The following PRKG1 variants were observed in gnomAD, a reference collection of about 807,000 sequenced individuals.
PRKG1 encodes the protein cGMP-dependent protein kinase 1.
PRKG1 carries 35 observed loss-of-function variants against 88.1 expected under a neutral mutation model. The ratio of observed to expected loss-of-function variants is 0.40; its 90% CI spans 0.30 to 0.53. PRKG1 has a LOEUF of 0.53. Among genes scored for constraint, PRKG1 ranks in the 20% least tolerant of loss-of-function variants. The probability of loss-of-function intolerance (pLI) is 0.59; values close to 1 mark genes in which losing one functional copy is unlikely to be tolerated. For synonymous variants in PRKG1, 303 were observed against 292.5 expected (o/e 1.04, Z -0.37); for missense variants, 540 against 839.8 (o/e 0.64, Z 4.41).
chr10:51,511,405 A>G (rs1387048045), intron 3 of PRKG1, among the ~76,000 whole-genome samples: 1 of 152,164 alleles, frequency 6.6e-6, no homozygotes, highest in Non-Finnish European at 1.5e-5. Context: ...TGAAGGTACA[A>G]CCCACAGATT....
chr10:51,186,846 T>C (rs1837500001), intron 2 of PRKG1, among the ~76,000 whole-genome samples: 1 of 151,472 alleles, frequency 6.6e-6, no homozygotes, highest in Non-Finnish European at 1.5e-5. Flanking sequence ...TTCTATACTT[T>C]TTACTTCATC....
At chr10:51,548,619 A>G (rs1478960818) in intron 3 of PRKG1, among the ~76,000 whole-genome samples, 1 of 152,132 alleles carries the variant, frequency 6.6e-6, no homozygotes, top group Non-Finnish European at 1.5e-5. Context: ...GCCTGAGATT[A>G]TCAGCTGATT....
At chr10:52,091,729 T>A (rs1847060760) in intron 7 of PRKG1, among the ~76,000 whole-genome samples, 1 of 152,186 alleles carries the variant, frequency 6.6e-6, no homozygotes, top group Non-Finnish European at 1.5e-5. Flanking sequence ...GAGAAAACTA[T>A]ATCAAAGCAG....
chr10:52,055,735 A>T (rs1292107376), intron 6 of PRKG1, among the ~76,000 whole-genome samples: 1 of 152,202 alleles, frequency 6.6e-6, no homozygotes, highest in Admixed American at 6.5e-5. Context: ...AGGAAATGCG[A>T]ATAGAAAGGA....
At chr10:52,121,942 C>T (rs955840545) in intron 7 of PRKG1, among the ~76,000 whole-genome samples, 12 of 152,148 alleles carry the variant, frequency 7.9e-5, no homozygotes, top group African/African-American at 2.7e-4. Context: ...GCTACTTCCA[C>T]GTTTTCAGAT....
At chr10:51,352,139 T>A (rs1451774754) in intron 2 of PRKG1, among the ~76,000 whole-genome samples, 1 of 152,182 alleles carries the variant, frequency 6.6e-6, no homozygotes, top group African/African-American at 2.4e-5. Flanking sequence ...CTGTTTTGAT[T>A]ACTGTAGCCC....
At chr10:51,587,459 G>T (rs752567103) in intron 3 of PRKG1, among the ~76,000 whole-genome samples, 1 of 152,116 alleles carries the variant, frequency 6.6e-6, no homozygotes, top group Non-Finnish European at 1.5e-5. Flanking sequence ...TCCATAGAGA[G>T]TCTATGTTTT....
intron 9 of PRKG1, among the ~76,000 whole-genome samples, chr10:52,179,815 A>G (rs1464184090): frequency 6.6e-6 from 1 of 152,126 alleles, no homozygotes; most frequent in African/African-American, 2.4e-5. Context: ...CAGCCTCCCA[A>G]GTAGCTGGGA....
chr10:51,750,824 C>G (rs1308902155), intron 3 of PRKG1, among the ~76,000 whole-genome samples: 5 of 152,036 alleles, frequency 3.3e-5, no homozygotes, highest in Non-Finnish European at 5.9e-5. Context: ...TATTTGTGAA[C>G]TTGTGATACC....
intron 1 of PRKG1, among the ~76,000 whole-genome samples, chr10:51,053,869 C>G (rs1843596655): frequency 6.6e-6 from 1 of 150,842 alleles, no homozygotes; most frequent in South Asian, 2.1e-4. Context: ...ATATTGGCAA[C>G]TGACTCTTCT....
At chr10:51,410,352 C>T (rs1305134195) in intron 2 of PRKG1, among the ~76,000 whole-genome samples, 1 of 151,288 alleles carries the variant, frequency 6.6e-6, no homozygotes, top group African/African-American at 2.4e-5. Context: ...AGGCCATCTA[C>T]AAGCTGAGGA....
At chr10:51,912,124 G>A (rs765360484) in intron 5 of PRKG1, among the ~76,000 whole-genome samples, 6 of 152,180 alleles carry the variant, frequency 3.9e-5, no homozygotes, top group African/African-American at 1.4e-4. Flanking sequence ...CTAAATGAAC[G>A]TATGGGGAGC....
At chr10:51,637,816 G>A (rs1338113338) in intron 3 of PRKG1, among the ~76,000 whole-genome samples, 1 of 152,158 alleles carries the variant, frequency 6.6e-6, no homozygotes, top group Non-Finnish European at 1.5e-5. Context: ...GCTAATGGAT[G>A]CTGGGCTTAA....
chr10:51,348,785 T>C (rs992050887), intron 2 of PRKG1, among the ~76,000 whole-genome samples: 1 of 152,176 alleles, frequency 6.6e-6, no homozygotes, highest in Non-Finnish European at 1.5e-5. Context: ...ATAAAAAAAC[T>C]GAGTGAAGTG....
At chr10:51,963,514 C>T (rs1446975369) in intron 5 of PRKG1, among the ~76,000 whole-genome samples, 1 of 151,966 alleles carries the variant, frequency 6.6e-6, no homozygotes, top group Non-Finnish European at 1.5e-5. Context: ...GGCTAGAGTG[C>T]AGTGGCAAGA....
intron 1 of PRKG1, among the ~76,000 whole-genome samples, chr10:51,004,917 GA>G (rs1206471286): frequency 6.6e-6 from 1 of 151,972 alleles, no homozygotes; most frequent in African/African-American, 2.4e-5. Flanking sequence ...TCCCACTTGG[GA>G]AAATAACAAA....
intron 2 of PRKG1, among the ~76,000 whole-genome samples, chr10:51,210,107 C>T (rs1838172773): frequency 6.6e-6 from 1 of 152,056 alleles, no homozygotes; most frequent in African/African-American, 2.4e-5. Flanking sequence ...GAAATTATAA[C>T]AAACTGTCTC....
chr10:51,292,560 G>C (rs1039615711), intron 2 of PRKG1, among the ~76,000 whole-genome samples: 50 of 152,124 alleles, frequency 3.3e-4, no homozygotes, highest in African/African-American at 1.2e-3. Context: ...TTTAAAGTGA[G>C]AGTCATTATT....
chr10:52,175,750 G>T (rs1051027467), intron 9 of PRKG1, among the ~76,000 whole-genome samples: 30 of 152,050 alleles, frequency 2.0e-4, no homozygotes, highest in Admixed American at 9.8e-4. Context: ...TGATTGGTAT[G>T]TTGAGCATTT....
Sources: gnomAD v4.1 joint callset for allele counts (sites outside exome capture counted in the v4.1 genomes callset) on GRCh38, gnomAD v4.1.1 for gene constraint, MANE v1.5 for transcripts, NCBI Gene and HGNC (gene_info 2026-07-23, HGNC 2026-07-21) for gene names.